The following PDLIM2 variants were observed in gnomAD, a reference collection of about 807,000 sequenced individuals.
PDLIM2 encodes the protein PDZ and LIM domain 2.
A neutral mutation model predicts 54.1 loss-of-function variants in PDLIM2; 51 were observed. That is an observed-to-expected ratio of 0.94 (90% CI 0.75 to 1.19). The LOEUF (loss-of-function observed/expected upper bound fraction) is 1.19, where lower values mean the gene tolerates loss of function less well. Ranked by LOEUF, PDLIM2 falls within the 50% of genes most tolerant of loss-of-function variation. The pLI is 0.00. For missense variants in PDLIM2, 912 were observed against 874.0 expected (o/e 1.04, Z -0.55); for synonymous variants, 398 against 385.6 (o/e 1.03, Z -0.38).
Position 22,591,557 on chromosome 8 carries a change from C to G in PDLIM2, c.1520C>G (p.Thr507Arg), listed in dbSNP as rs368145484. The G allele has an allele frequency of 6.2e-6, 10 of 1,613,450 alleles. No homozygotes were observed. The highest frequency in any genetic ancestry group is 8.5e-6 in the Non-Finnish European group (10 of 1,179,934). ...CTGTCTGCCCTGCCCCCAGGTGGCA[C>G]GCCAGCCTTCTTGCCCAGCTCACTG... Residue 507 changes from threonine (T) to arginine (R), a missense_variant, in exon 9 of 10, where the codon ACG becomes AGG. Transcript: ENST00000308354.
intron 3 of PDLIM2, among the ~76,000 whole-genome samples, chr8:22,584,508 C>T (rs188474585): frequency 1.2e-4 from 18 of 151,932 alleles, no homozygotes; most frequent in African/African-American, 4.3e-4. Flanking sequence ...ATGAGGTCTT[C>T]CTATGTTGCC....
At chr8:22,579,602 G>A (rs1457952906) in intron 1 of PDLIM2, 14 of 1,363,562 alleles carry the variant, frequency 1.0e-5, no homozygotes, top group Non-Finnish European at 1.1e-5. Flanking sequence ...CAGAGGCTAG[G>A]CCTGGGCCCA....
chr8:22,593,922 C>A (rs893490075), exon 10 of PDLIM2: 2 of 1,546,478 alleles, frequency 1.3e-6, no homozygotes, highest in Non-Finnish European at 1.7e-6. Context: ...CCCGCCATGC[C>A]CTCAGCCTGC....
At chr8:22,581,658 C>T in intron 3 of PDLIM2, 128 bp downstream of exon 2, 1 of 1,266,288 alleles carries the variant, frequency 7.9e-7, no homozygotes, top group Non-Finnish European at 1.1e-6. Flanking sequence ...GCCCTCTCCA[C>T]ACCTTGGTGA....
chr8:22,593,978 G>A (rs1057087353), exon 10 of PDLIM2: 2 of 1,502,226 alleles, frequency 1.3e-6, no homozygotes, highest in African/African-American at 2.8e-5. Flanking sequence ...GGCATGGCAG[G>A]GACAATGGTG....
At chr8:22,589,809 G>T in intron 8 of PDLIM2, 68 bp downstream of exon 7, 4 of 1,537,294 alleles carry the variant, frequency 2.6e-6, no homozygotes, top group Non-Finnish European at 3.5e-6. Flanking sequence ...GACTGGATGG[G>T]TCAGTGAACC....
At chr8:22,593,885 C>A (rs1264775105) in exon 10 of PDLIM2, 2 of 1,549,666 alleles carry the variant, frequency 1.3e-6, no homozygotes, top group Non-Finnish European at 1.7e-6. Context: ...TACTCCGCAC[C>A]TGCCACCCTC....
At chr8:22,578,762 C>G (rs1018487144) in exon 1 of PDLIM2, 8 of 1,233,686 alleles carry the variant, frequency 6.5e-6, no homozygotes, top group Non-Finnish European at 7.1e-6. Context: ...GGCAGCCCAC[C>G]CTGCCCAGGA....
At chr8:22,582,943 C>A (rs1431885793) in intron 3 of PDLIM2, among the ~76,000 whole-genome samples, 5 of 139,088 alleles carry the variant, frequency 3.6e-5, no homozygotes, top group African/African-American at 1.3e-4. Flanking sequence ...CGCCTCCTAC[C>A]CTCCCAGGTG....
chr8:22,580,430 G>C (rs1244402255), intron 1 of PDLIM2, 45 bp from the exon 1 acceptor site: 28 of 1,426,340 alleles, frequency 2.0e-5, no homozygotes, highest in Middle Eastern at 5.1e-4. Flanking sequence ...AAGTGAAACC[G>C]GGCTGAGGGA....
At chr8:22,584,383 ACTACAACCTCCAT>A (rs1800308996) in intron 3 of PDLIM2, among the ~76,000 whole-genome samples, 1 of 151,852 alleles carries the variant, frequency 6.6e-6, no homozygotes, top group African/African-American at 2.4e-5. Flanking sequence ...ATCACGGCTC[ACTACAACCTCCAT>A]CTCCTGGGCT....
At position 22,591,667 on chromosome 8, in the gene PDLIM2, G is replaced by A. The variant is rs1369938822; in HGVS notation, c.1630G>A (p.Ala544Thr). The change falls in exon 9 of 10, where the codon GCG becomes ACG. Residue 544 changes from alanine to threonine, a missense_variant and splice_region_variant. Ala to Thr is a moderately conservative substitution (Grantham distance 58). Transcript: ENST00000308354. Reference sequence around the variant, plus strand: ...TTGTGAGAAGTGCAGTACCAGCATCGCGTGAGTGTGGAGGGGGGTGGGGGA... The same window carrying A: ...TTGTGAGAAGTGCAGTACCAGCATCACGTGAGTGTGGAGGGGGGTGGGGGA... The A allele has an allele frequency of 6.8e-6, 11 of 1,608,226 alleles. No homozygotes were observed. The Middle Eastern group carries it at 6.8e-4, about 99-fold the overall frequency.
downstream of PDLIM2, chr8:22,596,375 G>A (rs1800684004): frequency 6.6e-6 from 1 of 152,332 alleles, no homozygotes; most frequent in South Asian, 2.1e-4. Context: ...CAGGGGTCCT[G>A]AGGGTTTCAG....
rs765921930 is a variant in PDLIM2 at position 22,581,379 on chromosome 8, G to T, written c.844G>T (p.Val282Leu). Residue 282 changes from valine to leucine, a missense_variant and splice_region_variant, in exon 3 of 10, where the codon GTG becomes TTG. By Grantham distance (32) the Val-to-Leu change is conservative. Coordinates refer to ENST00000308354, the Ensembl canonical transcript of PDLIM2. Reference sequence around the variant, plus strand: ...GCATGCCAGCTCCTCATCCCTACAGGTGGCCGAGCGGGGCAAAGCCAAGGA... The same window carrying T: ...GCATGCCAGCTCCTCATCCCTACAGTTGGCCGAGCGGGGCAAAGCCAAGGA... 8.1e-6 allele frequency: 13 copies of T among 1,598,194 alleles called. No individual in the cohort carries two copies. The Admixed American group carries it at 1.9e-4, about 23-fold the overall frequency.
At chr8:22,582,698 C>G (rs1563860825) in intron 3 of PDLIM2, among the ~76,000 whole-genome samples, 1 of 151,342 alleles carries the variant, frequency 6.6e-6, no homozygotes, top group South Asian at 2.1e-4. Flanking sequence ...TCTCCTGACT[C>G]AGCCTCCTGA....
intron 3 of PDLIM2, among the ~76,000 whole-genome samples, chr8:22,582,448 A>C (rs891698104): frequency 6.6e-6 from 1 of 152,018 alleles, no homozygotes; most frequent in Non-Finnish European, 1.5e-5. Flanking sequence ...CTGGCAGCGG[A>C]AGGGCAGGAG....
rs1383602123 is a variant in PDLIM2, at chr8:22,584,822, T to C, written c.997T>C (p.Ser333Pro). 2.5e-6 allele frequency: 4 copies of C among 1,613,900 alleles called. No individual in the cohort carries two copies. In the South Asian group the frequency reaches 4.4e-5, roughly 18 times the overall value. The change falls in exon 4 of 10, where the codon TCT (serine) becomes CCT (proline). Residue 333 changes from serine to proline, a missense_variant and splice_region_variant. By Grantham distance (74) the Ser-to-Pro change is moderately conservative. Transcript: ENST00000308354. ...TCCCTCCCTCTGTTGCCTTCTCAGG[T>C]CTCAGGCTACGTCTCCAGGGCAGAC...
At chr8:22,594,028 G>T in exon 10 of PDLIM2, 2 of 1,462,358 alleles carry the variant, frequency 1.4e-6, no homozygotes, top group African/African-American at 1.4e-5. Flanking sequence ...GAGACCTGAG[G>T]CCCCTTTGTC....
exon 1 of PDLIM2, chr8:22,579,416 A>G: frequency 6.6e-7 from 1 of 1,513,526 alleles, no homozygotes; most frequent in Middle Eastern, 2.2e-4. Context: ...CCCAGCCCGC[A>G]GGGTACTTTG....
Sources: gnomAD v4.1 joint callset for allele counts (sites outside exome capture counted in the v4.1 genomes callset) on GRCh38, gnomAD v4.1.1 for gene constraint, MANE v1.5 for transcripts, NCBI Gene and HGNC (gene_info 2026-07-23, HGNC 2026-07-21) for gene names.